Variants in HRH1 observed in about 807,000 individuals in gnomAD.
The protein encoded by HRH1 is histamine H1 receptor.
Under a neutral mutation model 10.3 loss-of-function variants are expected in HRH1, and 6 were observed. The ratio of observed to expected loss-of-function variants is 0.58; its 90% CI spans 0.32 to 1.15. The LOEUF is 1.15. Ranked by LOEUF, HRH1 falls within the 50% of genes most tolerant of loss-of-function variation. HRH1 has a pLI of 0.05. For synonymous variants in HRH1, 242 were observed against 236.7 expected (o/e 1.02, Z -0.21); for missense variants, 514 against 615.3 (o/e 0.84, Z 1.74).
intron 1 of HRH1, among the ~76,000 whole-genome samples, chr3:11,201,654 G>C (rs952819113): frequency 6.6e-6 from 1 of 152,178 alleles, no homozygotes; most frequent in Non-Finnish European, 1.5e-5. Context: ...CCTTAGACTA[G>C]TCGGAGAAGG....
chr3:11,242,296 A>G (rs998388316), intron 1 of HRH1, among the ~76,000 whole-genome samples: 1 of 151,990 alleles, frequency 6.6e-6, no homozygotes, highest in Admixed American at 6.6e-5. Flanking sequence ...CCTGGCTAAC[A>G]TGGTGAAACC....
intron 1 of HRH1, among the ~76,000 whole-genome samples, chr3:11,138,161 G>A (rs532891603): frequency 4.9e-4 from 73 of 147,730 alleles, no homozygotes; most frequent in African/African-American, 1.8e-3. Context: ...GACTACAGGC[G>A]CCCGCACCAC....
intron 1 of HRH1, among the ~76,000 whole-genome samples, chr3:11,197,056 C>T (rs867243993): frequency 6.8e-6 from 1 of 146,772 alleles, no homozygotes; most frequent in Admixed American, 6.9e-5. Context: ...ACTCAGGAGG[C>T]GGAGCTTGTA....
At chr3:11,173,626 A>G (rs1306435272) in intron 1 of HRH1, among the ~76,000 whole-genome samples, 1 of 151,794 alleles carries the variant, frequency 6.6e-6, no homozygotes, top group African/African-American at 2.4e-5. Context: ...TATTTTAAAT[A>G]TATATAAATT....
chr3:11,224,482 G>A (rs1476032914), intron 1 of HRH1, among the ~76,000 whole-genome samples: 1 of 152,216 alleles, frequency 6.6e-6, no homozygotes, highest in Non-Finnish European at 1.5e-5. Flanking sequence ...CGGATCATGA[G>A]TTCAGGATAT....
intron 1 of HRH1, among the ~76,000 whole-genome samples, chr3:11,188,730 C>T (rs1368506873): frequency 6.6e-6 from 1 of 152,122 alleles, no homozygotes; most frequent in Non-Finnish European, 1.5e-5. Flanking sequence ...TATTAAAAGT[C>T]ACGTTCTTGA....
At chr3:11,157,145 A>C (rs981888206) in intron 1 of HRH1, among the ~76,000 whole-genome samples, 3 of 152,234 alleles carry the variant, frequency 2.0e-5, no homozygotes, top group Non-Finnish European at 4.4e-5. Flanking sequence ...CTAGAGGGAC[A>C]GAAAGCTTAG....
intron 1 of HRH1, among the ~76,000 whole-genome samples, chr3:11,252,492 C>T (rs527759312): frequency 2.2e-4 from 33 of 152,216 alleles, no homozygotes; most frequent in East Asian, 9.7e-4. Flanking sequence ...ATGGAGACTC[C>T]GTAAACCCCC....
At chr3:11,148,343 T>C (rs1936509162) in intron 1 of HRH1, among the ~76,000 whole-genome samples, 1 of 152,188 alleles carries the variant, frequency 6.6e-6, no homozygotes, top group African/African-American at 2.4e-5. Flanking sequence ...AGCATTTTAT[T>C]TTTAGGATTC....
intron 1 of HRH1, among the ~76,000 whole-genome samples, chr3:11,174,946 C>T (rs1287037691): frequency 4.6e-5 from 7 of 152,168 alleles, no homozygotes; most frequent in African/African-American, 7.2e-5. Context: ...GAATGGGTCC[C>T]GGATTCAGGC....
chr3:11,242,210 G>A (rs1939363692), intron 1 of HRH1, among the ~76,000 whole-genome samples: 2 of 152,052 alleles, frequency 1.3e-5, no homozygotes, highest in Non-Finnish European at 2.9e-5. Context: ...GGCCGGGTGC[G>A]GTGGCTCATG....
intron 1 of HRH1, among the ~76,000 whole-genome samples, chr3:11,206,557 T>G (rs903792081): frequency 1.3e-5 from 2 of 152,268 alleles, no homozygotes; most frequent in Non-Finnish European, 2.9e-5. Context: ...ATTGTTATTA[T>G]AGCTAAGATT....
intron 1 of HRH1, among the ~76,000 whole-genome samples, chr3:11,143,893 C>T (rs1415976596): frequency 6.6e-6 from 1 of 152,066 alleles, no homozygotes; most frequent in African/African-American, 2.4e-5. Context: ...AATGCATGTC[C>T]TCCATGAAAA....
intron 1 of HRH1, among the ~76,000 whole-genome samples, chr3:11,250,705 G>T (rs1181151984): frequency 6.6e-6 from 1 of 152,126 alleles, no homozygotes; most frequent in Non-Finnish European, 1.5e-5. Flanking sequence ...TGTAGATAAG[G>T]CAATCTAAAA....
intron 1 of HRH1, among the ~76,000 whole-genome samples, chr3:11,243,040 A>G (rs1416142921): frequency 1.3e-5 from 2 of 151,896 alleles, no homozygotes; most frequent in African/African-American, 4.8e-5. Flanking sequence ...CACCCTCCCC[A>G]GTAGCTGGGA....
intron 1 of HRH1, among the ~76,000 whole-genome samples, chr3:11,146,238 T>G (rs1223159448): frequency 6.6e-6 from 1 of 152,328 alleles, no homozygotes; most frequent in East Asian, 1.9e-4. Context: ...TCTTTCATAT[T>G]TCATCCATTC....
chr3:11,239,173 GTT>G (rs1046502041), intron 1 of HRH1, among the ~76,000 whole-genome samples: 1 of 152,162 alleles, frequency 6.6e-6, no homozygotes, highest in African/African-American at 2.4e-5. Flanking sequence ...ACCAACACTT[GTT>G]ATTGTCCTTC....
chr3:11,172,189 G>T (rs1239981315), intron 1 of HRH1, among the ~76,000 whole-genome samples: 18 of 152,238 alleles, frequency 1.2e-4, no homozygotes, highest in Admixed American at 1.2e-3. Context: ...CTGAGGAAGG[G>T]AGTGTCAGGT....
upstream of HRH1, among the ~76,000 whole-genome samples, chr3:11,149,835 C>T (rs1936561572): frequency 6.6e-6 from 1 of 152,214 alleles, no homozygotes; most frequent in South Asian, 2.1e-4. Flanking sequence ...CTGGAAAGAA[C>T]TCCAGAAATA....
Sources: gnomAD v4.1 joint callset for allele counts (sites outside exome capture counted in the v4.1 genomes callset) on GRCh38, gnomAD v4.1.1 for gene constraint, MANE v1.5 for transcripts, NCBI Gene and HGNC (gene_info 2026-07-23, HGNC 2026-07-21) for gene names.